The following TMEM179 variants were observed in gnomAD, a reference collection of about 807,000 sequenced individuals.
TMEM179 encodes transmembrane protein 179, also known as transmembrane protein 179A.
Under a neutral mutation model 22.2 loss-of-function variants are expected in TMEM179, and 17 were observed. The ratio of observed to expected loss-of-function variants is 0.77; its 90% CI spans 0.52 to 1.15. TMEM179 has a LOEUF of 1.15. TMEM179 is among the 50% of genes most tolerant of loss of function. TMEM179 has a pLI of 0.00. For missense variants in TMEM179, 265 were observed against 313.6 expected (o/e 0.84, Z 1.17); for synonymous variants, 127 against 140.5 (o/e 0.90, Z 0.68).
At position 104,593,667 on chromosome 14, in the gene TMEM179, A is replaced by AGGGCAG. The variant is rs1010698800; in HGVS notation, c.523-15_523-10dup. The AGGGCAG allele has an allele frequency of 7.5e-6, 11 of 1,463,122 alleles. No homozygotes were observed. The African/African-American group carries it at 1.5e-4, about 21-fold the overall frequency. 90.6% of individuals were successfully genotyped at this position (1,463,122 alleles called of 1,614,324 possible). The stretch of plus-strand genomic sequence containing the variant: ...GAGGCCCAGAGGCCAAACTGCACAG[A>AGGGCAG]GGGCAGGGTCAGGGTCAGAAGCCGT... On this transcript the variant is annotated splice_polypyrimidine_tract_variant and intron_variant, in intron 3 of 3. Coordinates refer to ENST00000556573, the MANE Select transcript of TMEM179 (RefSeq NM_001286389.2).
intron 3 of TMEM179, chr14:104,594,937 C>T (rs904767620): frequency 8.4e-6 from 10 of 1,190,836 alleles, no homozygotes; most frequent in Non-Finnish European, 9.5e-6. Context: ...CTGATTCTAA[C>T]TCACTGTGGC....
chr14:104,599,569 T>A (rs1887169457), intron 1 of TMEM179, among the ~76,000 whole-genome samples: 1 of 152,130 alleles, frequency 6.6e-6, no homozygotes, highest in South Asian at 2.1e-4. Context: ...CCAAAATCCA[T>A]CTGGCCTGGG....
At chr14:104,603,497 G>A (rs541410321) in intron 1 of TMEM179, among the ~76,000 whole-genome samples, 1 of 136,146 alleles carries the variant, frequency 7.3e-6, no homozygotes, top group South Asian at 2.2e-4. Flanking sequence ...GCCCACAGAG[G>A]GCACCCACAG....
rs1011342614 is a variant in TMEM179 at position 104,595,795 on chromosome 14, C to T, written c.444-552G>A. On this transcript the variant is annotated intron_variant, in intron 2 of 3. Coordinates refer to ENST00000556573, the MANE Select transcript of TMEM179 (RefSeq NM_001286389.2). The surrounding 1 kb of genome is among the most constrained non-coding windows in gnomAD (Gnocchi z 5.7). ...TGTGGAAGCAGTGGGCATCAGAGGG[C>T]CCAGGAGTGAGCCAGGCCTGGGCTC... Among the ~76,000 whole-genome samples the T allele has an allele frequency of 3.9e-5, 6 of 152,218 alleles. No individual in the cohort carries two copies. Among genetic ancestry groups the T allele is most frequent in the African/African-American group, 1.4e-4 (6 of 41,452 alleles).
chr14:104,595,298 C>A lies in TMEM179; in HGVS notation c.444-55G>T. On this transcript the variant is annotated intron_variant, in intron 2 of 3. Coordinates refer to ENST00000556573, the MANE Select transcript of TMEM179 (RefSeq NM_001286389.2). The surrounding 1 kb of genome is among the most constrained non-coding windows in gnomAD (Gnocchi z 5.7). ...GACCACCAGGACAGCCAGTGCGGGA[C>A]ATGGCTGAGCCGCTGGCCAGAGAGC... The A allele has an allele frequency of 1.9e-6, 3 of 1,540,872 alleles. No individual in the cohort carries two copies. Among genetic ancestry groups the A allele is most frequent in the Non-Finnish European group, 2.7e-6 (3 of 1,129,408 alleles).
intron 3 of TMEM179, 97 bp from the exon 4 acceptor site, chr14:104,593,755 G>A (rs1169787651): frequency 1.5e-6 from 2 of 1,348,630 alleles, no homozygotes; most frequent in East Asian, 2.7e-5. Flanking sequence ...TGCAGGGAAA[G>A]GACAGGACTC....
intron 1 of TMEM179, among the ~76,000 whole-genome samples, chr14:104,600,547 CT>C (rs1566745672): frequency 6.6e-6 from 1 of 152,216 alleles, no homozygotes; most frequent in Non-Finnish European, 1.5e-5. Flanking sequence ...AATGGCAAGC[CT>C]CTCTGAAGCA....
chr14:104,598,345 G>T (rs956400470), intron 1 of TMEM179, among the ~76,000 whole-genome samples: 6 of 152,234 alleles, frequency 3.9e-5, no homozygotes, highest in Non-Finnish European at 5.9e-5. Context: ...CTGCCAGCAG[G>T]CTCGATGTTA....
At chr14:104,594,739 C>T (rs867925821) in intron 3 of TMEM179, 5 of 1,138,664 alleles carry the variant, frequency 4.4e-6, no homozygotes, top group Non-Finnish European at 1.1e-6. Context: ...ATCAGCTTCC[C>T]CCTGGCTAGG....
In TMEM179 at chr14:104,595,286, G is replaced by T. The variant is rs750529606; in HGVS notation, c.444-43C>A. 5.0e-6 allele frequency: 8 copies of T among 1,585,938 alleles called. No individual in the cohort carries two copies. In the South Asian group the frequency reaches 9.0e-5, roughly 18 times the overall value. ...AGGGTGGAGGGTGACCACCAGGACA[G>T]CCAGTGCGGGACATGGCTGAGCCGC... On this transcript the variant is annotated intron_variant, in intron 2 of 3. Coordinates refer to ENST00000556573, the MANE Select transcript of TMEM179 (RefSeq NM_001286389.2). The surrounding 1 kb of genome is among the most constrained non-coding windows in gnomAD (Gnocchi z 5.7).
In TMEM179 at chr14:104,591,136, T is replaced by C. The variant is rs1886831974; in HGVS notation, c.*2343A>G. On this transcript the variant is annotated 3_prime_UTR_variant, in exon 4 of 4. Transcript: ENST00000556573. ...CCTTCCCAGGGCGATGTGTCTGGGC[T>C]CCGGAGACAGCCCAGTCCAGGGTGG... 3.0e-6 allele frequency: 1 copy of C among 337,554 alleles called. No individual in the cohort carries two copies. Among genetic ancestry groups the C allele is most frequent in the South Asian group, 2.2e-5 (1 of 46,448 alleles). 20.9% of individuals were successfully genotyped at this position (337,554 alleles called of 1,614,324 possible). A position where few individuals can be genotyped will look rare whatever the true frequency, so the allele number is the denominator to read the frequency against.
rs1886836512 is a variant in TMEM179, at chr14:104,591,306, T to A, written c.*2173A>T. 2.2e-6 allele frequency: 1 copy of A among 451,208 alleles called. No homozygotes were observed. The highest frequency in any genetic ancestry group is 2.0e-5 in the African/African-American group (1 of 50,004). 28.0% of individuals were successfully genotyped at this position (451,208 alleles called of 1,614,324 possible). ...GGTTCCAGAAGCCACCCCTGCCTCC[T>A]GCCCCTCCTTCAGGGCCCTAGATGG... is the stretch of plus-strand genomic sequence containing the variant. On this transcript the variant is annotated 3_prime_UTR_variant, in exon 4 of 4. Coordinates refer to ENST00000556573, the MANE Select transcript of TMEM179 (RefSeq NM_001286389.2).
rs544117257 is a variant in TMEM179 at position 104,595,725 on chromosome 14, C to T, written c.444-482G>A. On this transcript the variant is annotated intron_variant, in intron 2 of 3. Transcript: ENST00000556573. This position sits in a 1 kb window ranked among gnomAD's most constrained non-coding sequence, Gnocchi z 5.7. ...GCCAGACAGAGATGGAGGTGGCATC[C>T]CCACCAACGCTGCCCAGAAGCTCTG... 1.2e-4 allele frequency among the ~76,000 whole-genome samples: 18 copies of T among 152,296 alleles called. No individual in the cohort carries two copies. Among genetic ancestry groups the T allele is most frequent in the African/African-American group, 4.3e-4 (18 of 41,560 alleles).
intron 1 of TMEM179, among the ~76,000 whole-genome samples, chr14:104,598,575 G>C (rs1887122603): frequency 6.6e-6 from 1 of 152,278 alleles, no homozygotes. Context: ...CTCGCCCTGT[G>C]CTGGACACAG....
chr14:104,591,292 C>G lies in TMEM179; in HGVS notation c.*2187G>C. The stretch of plus-strand genomic sequence containing the variant: ...GGGGCCAAGCCTCAGGTTCCAGAAG[C>G]CACCCCTGCCTCCTGCCCCTCCTTC... On this transcript the variant is annotated 3_prime_UTR_variant, in exon 4 of 4. Coordinates refer to ENST00000556573, the MANE Select transcript of TMEM179 (RefSeq NM_001286389.2). 4.5e-6 allele frequency: 2 copies of G among 443,670 alleles called. No individual in the cohort carries two copies. The highest frequency in any genetic ancestry group is 5.0e-5 in the Admixed American group (2 of 40,336). 27.5% of individuals were successfully genotyped at this position (443,670 alleles called of 1,614,324 possible).
In TMEM179 at chr14:104,592,419, CAA is replaced by C. The variant is rs984230608; in HGVS notation, c.*1058_*1059del. On this transcript the variant is annotated 3_prime_UTR_variant, in exon 4 of 4. Transcript: ENST00000556573. ...TCACACCCACATGCACACTCATGCACAATCACATCCTCCCAGGCAGTCACTCG... is the reference window on the plus strand; with the variant it reads ...TCACACCCACATGCACACTCATGCACTCACATCCTCCCAGGCAGTCACTCG... The C allele has an allele frequency of 2.6e-5, 4 of 154,636 alleles. No homozygotes were observed. Among genetic ancestry groups the C allele is most frequent in the African/African-American group, 9.7e-5 (4 of 41,336 alleles). 9.6% of individuals were successfully genotyped at this position (154,636 alleles called of 1,614,324 possible).
At position 104,604,347 on chromosome 14, in the gene TMEM179, C is replaced by G; in HGVS notation, c.305+90G>C. On this transcript the variant is annotated intron_variant, in intron 1 of 3. Coordinates refer to ENST00000556573, the MANE Select transcript of TMEM179 (RefSeq NM_001286389.2). This position sits in a 1 kb window ranked among gnomAD's most constrained non-coding sequence, Gnocchi z 4.6. ...GCGGGCCTCGGAGCTGCCTGAGAGA[C>G]GGAGGGACTCGCGCGCCTCCCCGGG... The G allele has an allele frequency of 7.4e-7, 1 of 1,359,720 alleles. No homozygotes were observed. The highest frequency in any genetic ancestry group is 9.6e-7 in the Non-Finnish European group (1 of 1,044,984). 84.2% of individuals were successfully genotyped at this position (1,359,720 alleles called of 1,614,324 possible).
chr14:104,594,530 A>T, intron 3 of TMEM179: 1 of 1,231,240 alleles, frequency 8.1e-7, no homozygotes, highest in Non-Finnish European at 1.0e-6. Context: ...ACCCAATTCC[A>T]GGGTTCCCCC....
intron 3 of TMEM179, chr14:104,594,898 C>T (rs1248132630): frequency 7.6e-6 from 10 of 1,320,064 alleles, no homozygotes; most frequent in Non-Finnish European, 9.7e-6. Flanking sequence ...CCACACTTCC[C>T]ACCCCAGACC....
Sources: allele counts gnomAD v4.1 joint callset (sites outside exome capture counted in the v4.1 genomes callset), GRCh38; gene constraint gnomAD v4.1.1; non-coding constraint Gnocchi (gnomAD v3.1); transcripts MANE v1.5; gene names NCBI Gene and HGNC (gene_info 2026-07-23, HGNC 2026-07-21).